FCHSD2: variants seen among roughly 807,000 people sequenced by gnomAD.
FCHSD2 encodes FCH and double SH3 domains 2.
In FCHSD2, 38 loss-of-function variants were observed where a neutral mutation model predicts 108.1. The ratio of observed to expected loss-of-function variants is 0.35; its 90% confidence interval spans 0.27 to 0.46. FCHSD2 has a LOEUF of 0.46. Ranked by LOEUF, FCHSD2 falls within the 20% of genes least tolerant of loss-of-function variation. The pLI is 1.00. For missense variants in FCHSD2, 751 were observed against 897.8 expected (o/e 0.84, Z 2.09); for synonymous variants, 279 against 314.7 (o/e 0.89, Z 1.20).
rs1857959616 is a variant in FCHSD2 at position 73,015,842 on chromosome 11, G to A, written c.209C>T (p.Pro70Leu). Reference sequence around the variant, plus strand: ...ATTCCGATCATCAGCTTTTACTCCAGGCCAATCTCTCTTCAGGTATTGACT... The same window carrying A: ...ATTCCGATCATCAGCTTTTACTCCAAGCCAATCTCTCTTCAGGTATTGACT... The part of the protein sequence containing the change: ...LASQYLKRDW[P>L]GVKADDRNDY... Residue 70 changes from proline (P) to leucine (L), a missense_variant, in exon 4 of 20, where the codon CCT (proline) becomes CTT (leucine). Coordinates refer to ENST00000409418, the MANE Select transcript of FCHSD2 (RefSeq NM_014824.3). 2 of 1,606,182 alleles carry A rather than the reference G, an allele frequency of 1.2e-6. No homozygotes were observed. Among genetic ancestry groups the A allele is most frequent in the East Asian group, 2.3e-5 (1 of 44,398 alleles).
At chr11:72,977,016 C>A (rs1199356453) in intron 8 of FCHSD2, among the ~76,000 whole-genome samples, 1 of 151,706 alleles carries the variant, frequency 6.6e-6, no homozygotes, top group Non-Finnish European at 1.5e-5. Flanking sequence ...ACCTCCACTT[C>A]CCGGTTCAAG....
intron 2 of FCHSD2, among the ~76,000 whole-genome samples, chr11:73,129,058 A>C (rs532038989): frequency 6.6e-6 from 1 of 151,712 alleles, no homozygotes; most frequent in East Asian, 1.9e-4. Context: ...TTTTTAGTAG[A>C]GACGAGATTT....
chr11:73,094,180 C>T (rs1860023954), intron 2 of FCHSD2, among the ~76,000 whole-genome samples: 1 of 152,094 alleles, frequency 6.6e-6, no homozygotes, highest in Non-Finnish European at 1.5e-5. Context: ...CAATGCACTC[C>T]AGCCTGGGCT....
chr11:72,845,834 G>A (rs2135162328), intron 14 of FCHSD2, among the ~76,000 whole-genome samples: 1 of 152,258 alleles, frequency 6.6e-6, no homozygotes, highest in African/African-American at 2.4e-5. Context: ...ATGGGCAAGT[G>A]ACTGTAAGAT....
At chr11:73,113,236 G>A (rs973827038) in intron 2 of FCHSD2, among the ~76,000 whole-genome samples, 28 of 150,608 alleles carry the variant, frequency 1.9e-4, no homozygotes, top group Non-Finnish European at 3.0e-4. Flanking sequence ...GAATTTCTTA[G>A]AGTTTCCTCA....
chr11:73,044,933 G>A (rs1054868744), intron 3 of FCHSD2, among the ~76,000 whole-genome samples: 2 of 152,004 alleles, frequency 1.3e-5, no homozygotes, highest in Non-Finnish European at 2.9e-5. Context: ...AGCCGGGTGT[G>A]GTGACACGTG....
chr11:72,940,996 A>G (rs2135341751), intron 8 of FCHSD2: 1 of 745,442 alleles, frequency 1.3e-6, no homozygotes, highest in Non-Finnish European at 2.5e-6. Context: ...GCTGACATCT[A>G]CAGGCCGAAA....
At chr11:73,020,408 C>T (rs1030984238) in intron 3 of FCHSD2, among the ~76,000 whole-genome samples, 3 of 152,170 alleles carry the variant, frequency 2.0e-5, no homozygotes, top group South Asian at 2.1e-4. Flanking sequence ...CATTAGATGG[C>T]TCTTTAAAAT....
intron 3 of FCHSD2, among the ~76,000 whole-genome samples, chr11:73,040,855 C>T (rs886808202): frequency 6.6e-6 from 1 of 152,142 alleles, no homozygotes; most frequent in Non-Finnish European, 1.5e-5. Flanking sequence ...TACCCATTAA[C>T]CAATCTTCCC....
Position 72,957,519 on chromosome 11 carries a change from G to C in FCHSD2, c.705+26569C>G, listed in dbSNP as rs1340472336. ...GGAAAAAAACTGAGGAACTCTTCTA[G>C]ATTGAAGGAGACTAAAGAGACATGG... On this transcript the variant is annotated intron_variant, in intron 8 of 19. Coordinates refer to ENST00000409418, the MANE Select transcript of FCHSD2 (RefSeq NM_014824.3). Among the ~76,000 whole-genome samples the C allele has an allele frequency of 2.0e-5, 3 of 150,666 alleles. No individual in the cohort carries two copies. In the Admixed American group the frequency reaches 2.0e-4, roughly 10 times the overall value.
intron 1 of FCHSD2, chr11:73,141,143 G>A (rs942971948): frequency 2.0e-5 from 3 of 152,336 alleles, no homozygotes; most frequent in African/African-American, 7.2e-5. Context: ...GCAGCGGGGA[G>A]ACTGATGACA....
rs1398818552 is a variant in FCHSD2 at position 72,928,165 on chromosome 11, C to CT, written c.706-6216dup. ...GAGTACGTGGGGGTCATTATACTGCCTTTTTTTTTTCCTTCAGTGTATGTT... is the reference window on the plus strand; with the variant it reads ...GAGTACGTGGGGGTCATTATACTGCCTTTTTTTTTTTCCTTCAGTGTATGTT... On this transcript the variant is annotated intron_variant, in intron 8 of 19. Coordinates refer to ENST00000409418, the MANE Select transcript of FCHSD2 (RefSeq NM_014824.3). 2.6e-3 allele frequency among the ~76,000 whole-genome samples: 378 copies of CT among 145,876 alleles called. 4 individuals carry two copies. Among genetic ancestry groups the CT allele is most frequent in the Middle Eastern group, 0.011 (3 of 282 alleles).
intron 9 of FCHSD2, among the ~76,000 whole-genome samples, chr11:72,915,681 G>A (rs530544861): frequency 3.7e-4 from 56 of 152,238 alleles, no homozygotes; most frequent in Non-Finnish European, 6.5e-4. Context: ...AGCCGGGCGC[G>A]GTGGTGGGCG....
intron 8 of FCHSD2, among the ~76,000 whole-genome samples, chr11:72,958,846 CTT>C (rs1856765089): frequency 6.6e-6 from 1 of 152,186 alleles, no homozygotes. Flanking sequence ...AATTCAGACT[CTT>C]GTTTCATAAA....
intron 3 of FCHSD2, among the ~76,000 whole-genome samples, chr11:73,066,001 CTACTT>C (rs923925774): frequency 2.6e-5 from 4 of 152,140 alleles, no homozygotes; most frequent in African/African-American, 9.7e-5. Context: ...TGGAAAAAAA[CTACTT>C]TAAAGTTCAT....
At chr11:73,080,960 AAAAATAAAAT>A (rs376421601) in intron 3 of FCHSD2, among the ~76,000 whole-genome samples, 19 of 151,872 alleles carry the variant, frequency 1.3e-4, no homozygotes, top group Non-Finnish European at 2.2e-4. Flanking sequence ...AAAAAACAAC[AAAAATAAAAT>A]AAAATAAAAT....
intron 8 of FCHSD2, among the ~76,000 whole-genome samples, chr11:72,929,530 A>T (rs1856147645): frequency 6.6e-6 from 1 of 152,198 alleles, no homozygotes; most frequent in Admixed American, 6.5e-5. Flanking sequence ...AATTCAAAGC[A>T]CGGGAAGTGG....
intron 12 of FCHSD2, among the ~76,000 whole-genome samples, chr11:72,872,286 CTTTTT>C (rs59486746): frequency 4.5e-5 from 6 of 132,212 alleles, no homozygotes; most frequent in Non-Finnish European, 8.0e-5. Context: ...TTTTTCTTTT[CTTTTT>C]TTTTTTTTTT....
chr11:73,014,527 G>C (rs986297626), intron 4 of FCHSD2, among the ~76,000 whole-genome samples: 1 of 152,118 alleles, frequency 6.6e-6, no homozygotes. Flanking sequence ...GTAGGCCACT[G>C]TGAAGAATTA....
Sources: allele counts gnomAD v4.1 joint callset (sites outside exome capture counted in the v4.1 genomes callset), GRCh38; gene constraint gnomAD v4.1.1; transcripts MANE v1.5; gene names NCBI Gene and HGNC (gene_info 2026-07-23, HGNC 2026-07-21).